Variants in CNTN4 observed in about 807,000 individuals in gnomAD.
The protein encoded by CNTN4 is contactin-4.
In CNTN4, 77 loss-of-function variants were observed where a neutral mutation model predicts 122.5. The ratio of observed to expected loss-of-function variants is 0.63; its 90% confidence interval spans 0.52 to 0.76. The LOEUF (loss-of-function observed/expected upper bound fraction) is 0.76. CNTN4 is among the 30% of genes least tolerant of loss of function. The pLI, the probability that CNTN4 is intolerant of heterozygous loss-of-function variation, is 0.00. For synonymous variants in CNTN4, 512 were observed against 447.0 expected (o/e 1.15, Z -1.83); for missense variants, 1,256 against 1,259.1 (o/e 1.00, Z 0.04).
chr3:2,454,961 A>C (rs909436092), intron 3 of CNTN4, among the ~76,000 whole-genome samples: 1 of 152,180 alleles, frequency 6.6e-6, no homozygotes, highest in South Asian at 2.1e-4. Flanking sequence ...TAAAAGATAA[A>C]AGAGTCTTTG....
intron 3 of CNTN4, among the ~76,000 whole-genome samples, chr3:2,522,123 T>C (rs2077239502): frequency 6.6e-6 from 1 of 151,406 alleles, no homozygotes; most frequent in Admixed American, 6.6e-5. Context: ...CATTAGATTT[T>C]ATGGCATGTG....
chr3:2,586,577 C>G (rs928799013), intron 4 of CNTN4, among the ~76,000 whole-genome samples: 1 of 152,172 alleles, frequency 6.6e-6, no homozygotes, highest in African/African-American at 2.4e-5. Context: ...AGGCGTGAGC[C>G]ACCGCCTGCA....
At chr3:3,046,029 T>C (rs150323884) in intron 23 of CNTN4, among the ~76,000 whole-genome samples, 209 of 152,258 alleles carry the variant, frequency 1.4e-3, no homozygotes, top group African/African-American at 4.8e-3. Context: ...AGGGTACCTG[T>C]GATGGAAGAT....
At chr3:2,974,884 T>G (rs1693276961) in intron 13 of CNTN4, among the ~76,000 whole-genome samples, 1 of 152,192 alleles carries the variant, frequency 6.6e-6, no homozygotes, top group Non-Finnish European at 1.5e-5. Flanking sequence ...AGTTGCAAAT[T>G]GGATGCATAA....
chr3:2,437,309 C>T (rs569219006), intron 3 of CNTN4, among the ~76,000 whole-genome samples: 7 of 152,116 alleles, frequency 4.6e-5, no homozygotes, highest in Non-Finnish European at 1.0e-4. Flanking sequence ...ATAAAGAAAC[C>T]TACTCCATTA....
chr3:2,252,832 T>G (rs1354001435), intron 2 of CNTN4, among the ~76,000 whole-genome samples: 1 of 152,162 alleles, frequency 6.6e-6, no homozygotes, highest in African/African-American at 2.4e-5. Context: ...TCGAAAGACT[T>G]CAGAAAGCCA....
At chr3:2,138,520 G>A (rs1195027682) in intron 2 of CNTN4, among the ~76,000 whole-genome samples, 1 of 152,170 alleles carries the variant, frequency 6.6e-6, no homozygotes, top group Non-Finnish European at 1.5e-5. Context: ...AGGTGTGTTA[G>A]GTTGAGATCA....
intron 5 of CNTN4, among the ~76,000 whole-genome samples, chr3:2,739,057 C>A (rs1377948535): frequency 6.6e-6 from 1 of 151,966 alleles, no homozygotes; most frequent in Non-Finnish European, 1.5e-5. Context: ...ATGTAAAAAA[C>A]AACCTAGTGG....
intron 7 of CNTN4, among the ~76,000 whole-genome samples, chr3:2,838,852 G>C (rs566762058): frequency 3.3e-4 from 51 of 152,336 alleles, no homozygotes; most frequent in Non-Finnish European, 4.6e-4. Context: ...TAAGCTGTGA[G>C]TTTCCTCCCC....
intron 7 of CNTN4, among the ~76,000 whole-genome samples, chr3:2,843,860 C>G (rs1264887185): frequency 6.6e-6 from 1 of 152,136 alleles, no homozygotes; most frequent in Non-Finnish European, 1.5e-5. Context: ...ACAGGAAAGG[C>G]CTAATACAGT....
chr3:2,187,791 C>T (rs924985711), intron 2 of CNTN4, among the ~76,000 whole-genome samples: 6 of 152,134 alleles, frequency 3.9e-5, no homozygotes, highest in Admixed American at 3.3e-4. Flanking sequence ...CCACATTTTT[C>T]TCCCATGATT....
intron 7 of CNTN4, among the ~76,000 whole-genome samples, chr3:2,849,986 C>CCT (rs2093519850): frequency 7.1e-6 from 1 of 140,698 alleles, no homozygotes; most frequent in Non-Finnish European, 1.5e-5. Context: ...TTAGCAATCA[C>CCT]TTTTTTTTCT....
intron 2 of CNTN4, among the ~76,000 whole-genome samples, chr3:2,230,904 C>T (rs1206656296): frequency 6.6e-6 from 1 of 152,102 alleles, no homozygotes; most frequent in Admixed American, 6.6e-5. Flanking sequence ...GACAGGATCA[C>T]TTGAGCCCAG....
chr3:2,167,054 G>T (rs1255912002), intron 2 of CNTN4, among the ~76,000 whole-genome samples: 1 of 152,092 alleles, frequency 6.6e-6, no homozygotes, highest in Non-Finnish European at 1.5e-5. Context: ...ATCAGACATA[G>T]ATGTAATAAA....
chr3:2,279,523 C>G (rs749049000), intron 2 of CNTN4, among the ~76,000 whole-genome samples: 4 of 152,182 alleles, frequency 2.6e-5, no homozygotes, highest in Non-Finnish European at 5.9e-5. Context: ...CAGACCTGGT[C>G]TCTTCAACAA....
intron 3 of CNTN4, among the ~76,000 whole-genome samples, chr3:2,444,634 A>G (rs2048555031): frequency 6.6e-6 from 1 of 152,104 alleles, no homozygotes; most frequent in African/African-American, 2.4e-5. Flanking sequence ...GTGGAAGATC[A>G]AAGTAGGATT....
At chr3:2,881,511 T>C (rs2150969564) in intron 8 of CNTN4, among the ~76,000 whole-genome samples, 1 of 126,056 alleles carries the variant, frequency 7.9e-6, no homozygotes, top group Non-Finnish European at 1.7e-5. Flanking sequence ...AGACTCAGTC[T>C]CAAGAAAAAA....
intron 3 of CNTN4, among the ~76,000 whole-genome samples, chr3:2,403,992 T>C (rs1244517212): frequency 1.3e-5 from 2 of 152,172 alleles, no homozygotes; most frequent in South Asian, 4.1e-4. Context: ...TATAATACTT[T>C]CTCAATTTCT....
intron 2 of CNTN4, among the ~76,000 whole-genome samples, chr3:2,232,585 G>A (rs979099515): frequency 2.0e-5 from 3 of 152,032 alleles, no homozygotes; most frequent in Non-Finnish European, 4.4e-5. Flanking sequence ...TTGGTATGCT[G>A]TTTTTAGTTT....
Sources: gnomAD v4.1 joint callset for allele counts (sites outside exome capture counted in the v4.1 genomes callset) on GRCh38, gnomAD v4.1.1 for gene constraint, MANE v1.5 for transcripts, NCBI Gene and HGNC (gene_info 2026-07-23, HGNC 2026-07-21) for gene names.